Variants in MAN1A2 observed in about 807,000 individuals in gnomAD.
MAN1A2 encodes mannosidase alpha class 1A member 2.
Under a neutral mutation model 75.7 loss-of-function variants are expected in MAN1A2, and 26 were observed. The observed-to-expected ratio is 0.34, with a 90% CI of 0.25 to 0.48. The LOEUF (loss-of-function observed/expected upper bound fraction) is 0.48. MAN1A2 is among the 20% of genes least tolerant of loss of function. The probability of loss-of-function intolerance (pLI) is 0.99; values close to 1 mark genes in which losing one functional copy is unlikely to be tolerated. For missense variants in MAN1A2, 562 were observed against 775.5 expected (o/e 0.72, Z 3.27); for synonymous variants, 247 against 264.6 (o/e 0.93, Z 0.65).
chr1:117,393,896 C>CAATGGAAGTTTGA (rs1553230857), intron 1 of MAN1A2, among the ~76,000 whole-genome samples: 1 of 152,012 alleles, frequency 6.6e-6, no homozygotes, highest in Non-Finnish European at 1.5e-5. Context: ...AATAATGTAT[C>CAATGGAAGTTTGA]AATGGAAGTT....
intron 12 of MAN1A2, among the ~76,000 whole-genome samples, chr1:117,510,173 A>G (rs1330080255): frequency 6.6e-6 from 1 of 151,950 alleles, no homozygotes; most frequent in Non-Finnish European, 1.5e-5. Context: ...GTCCTTTTAC[A>G]TATATCTCTG....
intron 2 of MAN1A2, 46 bp downstream of exon 2, chr1:117,402,487 T>C: frequency 6.7e-7 from 1 of 1,500,886 alleles, no homozygotes; most frequent in Non-Finnish European, 9.0e-7. Flanking sequence ...GGATTTGTAT[T>C]TGGATACAAA....
At chr1:117,439,969 G>A (rs558601649) in intron 5 of MAN1A2, among the ~76,000 whole-genome samples, 1 of 152,130 alleles carries the variant, frequency 6.6e-6, no homozygotes, top group South Asian at 2.1e-4. Flanking sequence ...ATTCACTTCT[G>A]GAATTTATCT....
chr1:117,431,542 T>TAAG lies in MAN1A2; in HGVS notation c.856-10688_856-10687insAGA, dbSNP rs1394208347. Among the ~76,000 whole-genome samples the TAAG allele has an allele frequency of 2.0e-5, 3 of 152,338 alleles. No individual in the cohort carries two copies. The East Asian group carries it at 5.8e-4, about 29-fold the overall frequency. On this transcript the variant is annotated intron_variant, in intron 5 of 12. Transcript: ENST00000356554. The stretch of plus-strand genomic sequence containing the variant: ...ATTGATATTTATTTATACAGCACTT[T>TAAG]ACTCAACAGCTGCTGAGTACACTTT...
chr1:117,446,071 G>A (rs1171694718), intron 6 of MAN1A2, among the ~76,000 whole-genome samples: 1 of 150,152 alleles, frequency 6.7e-6, no homozygotes, highest in Non-Finnish European at 1.5e-5. Context: ...TAGAAAATTT[G>A]GTGTAAAGTC....
chr1:117,440,851 T>TA (rs1181898493), intron 5 of MAN1A2, among the ~76,000 whole-genome samples: 14 of 152,136 alleles, frequency 9.2e-5, no homozygotes, highest in Admixed American at 9.2e-4. Flanking sequence ...TTCTTTGTCT[T>TA]TATGGTAAAC....
Position 117,381,399 on chromosome 1 carries a change from T to C in MAN1A2, c.302+12914T>C, listed in dbSNP as rs556767172. Among the ~76,000 whole-genome samples the C allele has an allele frequency of 2.0e-3, 299 of 152,260 alleles. 1 individual carries two copies. Among genetic ancestry groups the C allele is most frequent in the Non-Finnish European group, 3.2e-3 (219 of 68,014 alleles). Reference sequence around the variant, plus strand: ...CCCTTCCTGTGTCCATGTGTTCTCATTGTTCAATTGCCATCTATGAGTGAG... The same window carrying C: ...CCCTTCCTGTGTCCATGTGTTCTCACTGTTCAATTGCCATCTATGAGTGAG... On this transcript the variant is annotated intron_variant, in intron 1 of 12. Transcript: ENST00000356554.
chr1:117,492,433 T>G (rs1650910402), intron 8 of MAN1A2, among the ~76,000 whole-genome samples: 1 of 152,130 alleles, frequency 6.6e-6, no homozygotes, highest in Admixed American at 6.6e-5. Context: ...CATTGTTTAT[T>G]TAAATATAGT....
chr1:117,522,486 C>A (rs1651894739), intron 12 of MAN1A2, among the ~76,000 whole-genome samples: 1 of 151,824 alleles, frequency 6.6e-6, no homozygotes, highest in African/African-American at 2.4e-5. Flanking sequence ...TATGAAAAAC[C>A]TACAGCTAAC....
chr1:117,493,230 G>GA lies in MAN1A2; in HGVS notation c.1253dup (p.Ala419GlyfsTer6). 6.2e-7 allele frequency: 1 copy of GA among 1,611,884 alleles called. No homozygotes were observed. Among genetic ancestry groups the GA allele is most frequent in the Non-Finnish European group, 8.5e-7 (1 of 1,178,626 alleles). The stretch of plus-strand genomic sequence containing the variant: ...GTTGATGTCAGATAAAACAGACCAT[G>GA]AGGCAAGAAAGATGTATGATGATGC... On this transcript the variant is annotated frameshift_variant, in exon 9 of 13. Coordinates refer to ENST00000356554, the MANE Select transcript of MAN1A2 (RefSeq NM_006699.5). LOFTEE classifies it high-confidence loss of function.
At chr1:117,490,675 A>T (rs953505792) in intron 8 of MAN1A2, among the ~76,000 whole-genome samples, 2 of 152,116 alleles carry the variant, frequency 1.3e-5, no homozygotes, top group African/African-American at 4.8e-5. Context: ...GATGTAATTA[A>T]GCTTAGTGAG....
intron 1 of MAN1A2, among the ~76,000 whole-genome samples, chr1:117,383,200 ATTCTC>A (rs1436632181): frequency 1.3e-5 from 2 of 152,122 alleles, no homozygotes; most frequent in Non-Finnish European, 2.9e-5. Flanking sequence ...TGTTGAGGAA[ATTCTC>A]TTCTATTTTT....
chr1:117,437,568 T>C (rs1389186302), intron 5 of MAN1A2, among the ~76,000 whole-genome samples: 3 of 152,148 alleles, frequency 2.0e-5, no homozygotes, highest in Admixed American at 1.3e-4. Flanking sequence ...TGTGTGTGTG[T>C]GGTCAAGAAC....
At chr1:117,401,557 T>C (rs2101752889) in intron 1 of MAN1A2, among the ~76,000 whole-genome samples, 1 of 152,278 alleles carries the variant, frequency 6.6e-6, no homozygotes, top group South Asian at 2.1e-4. Flanking sequence ...ATTGCAGTAG[T>C]GGTTTCCAAA....
At chr1:117,501,252 G>A (rs562930080) in intron 11 of MAN1A2, among the ~76,000 whole-genome samples, 8 of 151,548 alleles carry the variant, frequency 5.3e-5, no homozygotes, top group Admixed American at 4.0e-4. Flanking sequence ...ATGTATAATC[G>A]GTCAAGAACA....
At position 117,526,512 on chromosome 1, in the gene MAN1A2, A is replaced by T. The variant is rs962669023; in HGVS notation, c.*3555A>T. The T allele has an allele frequency of 1.3e-5, 2 of 151,798 alleles. No homozygotes were observed. Among genetic ancestry groups the T allele is most frequent in the African/African-American group, 4.8e-5 (2 of 41,414 alleles). 9.4% of individuals were successfully genotyped at this position (151,798 alleles called of 1,614,324 possible). ...ATGTCAAAGAAATACTTGATTTCTG[A>T]TGCAACTTTGACTAAAATATTTACT... On this transcript the variant is annotated 3_prime_UTR_variant, in exon 13 of 13. Transcript: ENST00000356554.
intron 10 of MAN1A2, among the ~76,000 whole-genome samples, chr1:117,497,578 T>G (rs551240582): frequency 6.6e-6 from 1 of 152,026 alleles, no homozygotes; most frequent in East Asian, 1.9e-4. Context: ...AAAAATTGTT[T>G]TGGTTGGGGC....
At chr1:117,413,840 GA>G (rs1647899285) in intron 3 of MAN1A2, among the ~76,000 whole-genome samples, 2 of 151,812 alleles carry the variant, frequency 1.3e-5, no homozygotes, top group Admixed American at 6.6e-5. Flanking sequence ...TCTGCTCCCT[GA>G]TATTTATTTT....
Position 117,376,816 on chromosome 1 carries a change from CTA to C in MAN1A2, c.302+8333_302+8334del, listed in dbSNP as rs533818868. Among the ~76,000 whole-genome samples the C allele has an allele frequency of 4.2e-3, 640 of 152,258 alleles. 3 individuals carry two copies. Among genetic ancestry groups the C allele is most frequent in the Non-Finnish European group, 7.8e-3 (531 of 68,016 alleles). ...TGTGTCTGTACTGAACATGTACAGA[CTA>C]TTTTTTCTTGTCATTATTTCCTGAA... On this transcript the variant is annotated intron_variant, in intron 1 of 12. Coordinates refer to ENST00000356554, the MANE Select transcript of MAN1A2 (RefSeq NM_006699.5).
Sources: allele counts gnomAD v4.1 joint callset (sites outside exome capture counted in the v4.1 genomes callset), GRCh38; gene constraint gnomAD v4.1.1; transcripts MANE v1.5; gene names NCBI Gene and HGNC (gene_info 2026-07-23, HGNC 2026-07-21).